Variants in ZNG1A observed in about 807,000 individuals in gnomAD.
ZNG1A encodes Zn regulated GTPase metalloprotein activator 1A.
the ZNG1A span, among the ~76,000 whole-genome samples, chr9:162,978 G>A: frequency 6.6e-6 from 1 of 151,956 alleles, no homozygotes; most frequent in South Asian, 2.1e-4. Context: ...CATAACATAT[G>A]CCTAAGTTTC....
chr9:139,074 T>C, the ZNG1A span, among the ~76,000 whole-genome samples: 10 of 148,330 alleles, frequency 6.7e-5, no homozygotes, highest in Non-Finnish European at 1.5e-4. Flanking sequence ...TTACGAGATA[T>C]TCACTGCAGC....
the ZNG1A span, among the ~76,000 whole-genome samples, chr9:158,430 T>C: frequency 1.3e-5 from 2 of 151,266 alleles, no homozygotes; most frequent in African/African-American, 4.9e-5. Context: ...TTTCAAGATA[T>C]TATATTATTG....
the ZNG1A span, among the ~76,000 whole-genome samples, chr9:130,620 A>C: frequency 7.8e-6 from 1 of 128,980 alleles, no homozygotes; most frequent in African/African-American, 3.1e-5. Context: ...TTTTGCAGAA[A>C]TGGGGTTTCA....
At chr9:147,814 G>C in the ZNG1A span, 1 of 146,232 alleles carries the variant, frequency 6.8e-6, no homozygotes, top group East Asian at 2.0e-4. Flanking sequence ...ATCACTTTGA[G>C]GCCAGGAGTT....
chr9:125,028 G>A, the ZNG1A span, among the ~76,000 whole-genome samples: 11 of 152,316 alleles, frequency 7.2e-5, no homozygotes, highest in South Asian at 1.0e-3. Flanking sequence ...GCGTGTGCAC[G>A]TATCTTTTTC....
the ZNG1A span, among the ~76,000 whole-genome samples, chr9:127,268 T>C: frequency 6.6e-6 from 1 of 152,270 alleles, no homozygotes; most frequent in Admixed American, 6.5e-5. Context: ...TCCAGTGCTG[T>C]CCGTGGAGTA....
the ZNG1A span, chr9:146,678 A>G: frequency 6.8e-6 from 1 of 146,026 alleles, no homozygotes; most frequent in South Asian, 2.3e-4. Context: ...GGCTGCATGT[A>G]GGAAGAAAAT....
chr9:153,910 A>T, the ZNG1A span: 2 of 152,130 alleles, frequency 1.3e-5, no homozygotes, highest in African/African-American at 4.8e-5. Context: ...AACCAATACT[A>T]ATAGCTACCG....
At chr9:170,118 A>G in the ZNG1A span, among the ~76,000 whole-genome samples, 4 of 146,550 alleles carry the variant, frequency 2.7e-5, no homozygotes, top group Non-Finnish European at 6.0e-5. Flanking sequence ...TAAGCCCACA[A>G]TATCCCTGCG....
the ZNG1A span, chr9:166,010 G>C: frequency 8.1e-5 from 12 of 148,054 alleles, no homozygotes; most frequent in African/African-American, 3.1e-4. Context: ...ATGACAAAAA[G>C]TAGAGCCGAG....
the ZNG1A span, among the ~76,000 whole-genome samples, chr9:140,016 C>A: frequency 1.3e-5 from 2 of 150,480 alleles, no homozygotes; most frequent in Non-Finnish European, 2.9e-5. Flanking sequence ...GGTCCCACGC[C>A]CACAGAGTCT....
the ZNG1A span, chr9:163,897 G>C: frequency 9.7e-6 from 13 of 1,339,588 alleles, no homozygotes; most frequent in Non-Finnish European, 1.3e-5. Context: ...ATGCACTCCA[G>C]TCTGGGCAAC....
At chr9:177,624 A>G in the ZNG1A span, 2 of 1,510,582 alleles carry the variant, frequency 1.3e-6, no homozygotes, top group East Asian at 2.5e-5. Context: ...ATGGTCAGGG[A>G]TAGGAGTGAA....
At chr9:124,993 T>C in the ZNG1A span, among the ~76,000 whole-genome samples, 1 of 152,242 alleles carries the variant, frequency 6.6e-6, no homozygotes, top group Non-Finnish European at 1.5e-5. Flanking sequence ...GTTTTTGCAA[T>C]TGCCAATTGT....
chr9:137,483 A>T, the ZNG1A span, among the ~76,000 whole-genome samples: 1 of 152,076 alleles, frequency 6.6e-6, no homozygotes. Flanking sequence ...CACAGCATCA[A>T]ATTAAAAATA....
the ZNG1A span, chr9:150,245 G>A: frequency 7.7e-6 from 1 of 129,686 alleles, no homozygotes; most frequent in Non-Finnish European, 1.6e-5. Flanking sequence ...TCCTGCCTCA[G>A]CCTCCTGAGT....
the ZNG1A span, among the ~76,000 whole-genome samples, chr9:129,835 A>G: frequency 2.3e-5 from 3 of 129,650 alleles, no homozygotes; most frequent in African/African-American, 7.9e-5. Context: ...TACCACAATA[A>G]AAAATATACA....
the ZNG1A span, among the ~76,000 whole-genome samples, chr9:158,995 C>T: frequency 1.3e-5 from 2 of 151,974 alleles, no homozygotes; most frequent in African/African-American, 4.8e-5. Context: ...ACATTCTATA[C>T]CATTTGGTCA....
the ZNG1A span, chr9:172,941 A>G: frequency 0.72 from 201,412 of 280,494 alleles, 75,426 homozygotes; most frequent in South Asian, 0.78. Flanking sequence ...TTTTTATAAG[A>G]TTGAACACTT....
Sources: allele counts gnomAD v4.1 joint callset (sites outside exome capture counted in the v4.1 genomes callset), GRCh38; gene constraint gnomAD v4.1.1; transcripts MANE v1.5; gene names NCBI Gene and HGNC (gene_info 2026-07-23, HGNC 2026-07-21).